Variants in GCNA observed in about 807,000 individuals in gnomAD.
GCNA encodes the protein germ cell nuclear acidic protein.
Under a neutral mutation model 38.8 loss-of-function variants are expected in GCNA, and 3 were observed. The observed-to-expected ratio is 0.08, with a 90% CI of 0.04 to 0.20. GCNA has a LOEUF of 0.20. GCNA is among the 10% of genes least tolerant of loss of function. The probability of loss-of-function intolerance (pLI) is 1.00; values close to 1 mark genes in which losing one functional copy is unlikely to be tolerated. For synonymous variants in GCNA, 195 were observed against 240.2 expected (o/e 0.81, Z 1.74); for missense variants, 446 against 578.6 (o/e 0.77, Z 2.35).
chrX:71,583,934 C>T (rs1602167119), intron 2 of GCNA, among the ~76,000 whole-genome samples: 1 of 109,342 alleles, frequency 9.1e-6, no homozygotes, highest in African/African-American at 3.3e-5. Context: ...TCTTGAACTC[C>T]TGGCCTCAAG....
In GCNA at chrX:71,603,889, A is replaced by G; in HGVS notation, c.612A>G (p.Ser204=). 8.4e-7 allele frequency: 1 copy of G among 1,195,127 alleles called. No homozygotes were observed. The highest frequency in any genetic ancestry group is 1.1e-6 in the Non-Finnish European group (1 of 889,212). The part of the protein sequence containing the change: ...DDSSDDNSDD[S]SDDNSDDSDV... ...CATCCGACGACAACAGTGATGATTC[A>G]TCCGACGACAACAGTGATGATTCGG... Residue 204 remains serine, a synonymous_variant, in exon 8 of 13, where the codon TCA becomes TCG. Transcript: ENST00000373696.
At position 71,582,766 on chromosome X, in the gene GCNA, T is replaced by G. The variant is rs772707219; in HGVS notation, c.59+1886T>G. ...TTCTTTTCCCCTTCTCCCATGGCCT[T>G]TCTCCCTGTAACCCATGCTAAATAT... is the stretch of plus-strand genomic sequence containing the variant. On this transcript the variant is annotated intron_variant, in intron 2 of 12. Coordinates refer to ENST00000373696, the MANE Select transcript of GCNA (RefSeq NM_052957.5). Among the ~76,000 whole-genome samples, 11 of 112,243 alleles carry G rather than the reference T, an allele frequency of 9.8e-5. No homozygotes were observed. In the Admixed American group the frequency reaches 1.0e-3, roughly 11 times the overall value.
intron 2 of GCNA, among the ~76,000 whole-genome samples, chrX:71,587,715 A>G (rs749445415): frequency 1.3e-4 from 14 of 111,248 alleles, no homozygotes; most frequent in South Asian, 7.5e-4. Flanking sequence ...TGTTCCTGAA[A>G]GTGTGGTCTG....
At chrX:71,579,424 G>C (rs184219922) in intron 1 of GCNA, among the ~76,000 whole-genome samples, 120 of 91,662 alleles carry the variant, frequency 1.3e-3, no homozygotes, top group Middle Eastern at 0.011. Flanking sequence ...GAAGTGGGGG[G>C]TTCTGGTGGC....
In GCNA at chrX:71,580,870, G is replaced by A. The variant is rs746349614; in HGVS notation, c.49G>A (p.Asp17Asn). The A allele has an allele frequency of 2.5e-6, 3 of 1,197,956 alleles. No homozygotes were observed. In the Admixed American group the frequency reaches 6.8e-5, roughly 27 times the overall value. ...ELPRLQEPEEDEDCYILNVQS... is the reference protein window; with the variant it reads ...ELPRLQEPEENEDCYILNVQS... ...GCCCCGCTTGCAAGAGCCGGAGGAG[G>A]ACGAGGATTGGTGAGATTTAGAAAG... The change falls in exon 2 of 13, where the codon GAC becomes AAC. Residue 17 changes from aspartate to asparagine, a missense_variant. Coordinates refer to ENST00000373696, the MANE Select transcript of GCNA (RefSeq NM_052957.5).
chrX:71,594,667 T>C (rs2040656174), intron 5 of GCNA, 79 bp from the exon 6 acceptor site: 1 of 593,548 alleles, frequency 1.7e-6, no homozygotes, highest in African/African-American at 2.6e-5. Context: ...TAGACTTTGG[T>C]TTTAGGGAGT....
In GCNA at chrX:71,605,729, G is replaced by A. The variant is rs1418368563; in HGVS notation, c.1466G>A (p.Arg489Lys). The A allele has an allele frequency of 2.5e-6, 3 of 1,202,608 alleles. No homozygotes were observed. Among genetic ancestry groups the A allele is most frequent in the Non-Finnish European group, 3.4e-6 (3 of 890,161 alleles). The change falls in exon 9 of 13, where the codon AGG (arginine) becomes AAG (lysine). Residue 489 changes from arginine (R) to lysine (K), a missense_variant and splice_region_variant. This residue lies in a region of GCNA where 160 missense variants were observed against 165.2 expected (regional missense o/e 0.97). Coordinates refer to ENST00000373696, the MANE Select transcript of GCNA (RefSeq NM_052957.5). ...GCAAAAGTTGAAAAACGCAAGACTA[G>A]GTATGTACTGCTCGCATACAGTTGA... Reference protein sequence around the residue: ...GAAKVEKRKTRTPKCKVPGCF... With the variant: ...GAAKVEKRKTKTPKCKVPGCF...
intron 7 of GCNA, among the ~76,000 whole-genome samples, chrX:71,599,960 T>A (rs773937868): frequency 8.9e-6 from 1 of 112,503 alleles, no homozygotes; most frequent in African/African-American, 3.2e-5. Context: ...AAATATATTA[T>A]CTCAAATCTG....
chrX:71,588,117 G>T (rs761059079), intron 2 of GCNA, among the ~76,000 whole-genome samples: 2 of 111,746 alleles, frequency 1.8e-5, no homozygotes, highest in South Asian at 7.4e-4. Flanking sequence ...TCTGATTCCT[G>T]TTGTTCTAGA....
At chrX:71,611,030 TTC>T (rs1337361379) in intron 11 of GCNA, among the ~76,000 whole-genome samples, 2 of 112,401 alleles carry the variant, frequency 1.8e-5, no homozygotes, top group Non-Finnish European at 3.8e-5. Flanking sequence ...AGGCCTGCCT[TTC>T]TCTCTGCATT....
rs2040790326 is a variant in GCNA, at chrX:71,609,070, G to A, written c.1564G>A (p.Val522Ile). ...KNLKRNKDEL[V>I]QRIYDLFNRS... is the part of the protein sequence containing the mutation. Reference sequence around the variant, plus strand: ...TTTAAAGCGAAATAAGGATGAATTGGTTCAGAGAATCTACGACCTGTTTAA... The same window carrying A: ...TTTAAAGCGAAATAAGGATGAATTGATTCAGAGAATCTACGACCTGTTTAA... Residue 522 changes from valine to isoleucine, a missense_variant, in exon 10 of 13, where the codon GTT becomes ATT. Coordinates refer to ENST00000373696, the MANE Select transcript of GCNA (RefSeq NM_052957.5). 1.7e-6 allele frequency: 2 copies of A among 1,211,195 alleles called. No individual in the cohort carries two copies. The highest frequency in any genetic ancestry group is 2.2e-6 in the Non-Finnish European group (2 of 895,254).
Position 71,580,874 on chromosome X carries a change from A to G in GCNA, c.53A>G (p.Glu18Gly), listed in dbSNP as rs1465667900. The change falls in exon 2 of 13, where the codon GAG becomes GGG. Residue 18 changes from glutamate (E) to glycine (G), a missense_variant. This residue lies in a region of GCNA where 21 missense variants were observed against 16.5 expected (regional missense o/e 1.27). Coordinates refer to ENST00000373696, the MANE Select transcript of GCNA (RefSeq NM_052957.5). ...LPRLQEPEEDEDCYILNVQSS... is the reference protein window; with the variant it reads ...LPRLQEPEEDGDCYILNVQSS... ...CGCTTGCAAGAGCCGGAGGAGGACG[A>G]GGATTGGTGAGATTTAGAAAGTTCT... is the stretch of plus-strand genomic sequence containing the variant. 2 of 1,197,033 alleles carry G rather than the reference A, an allele frequency of 1.7e-6. No individual in the cohort carries two copies. Among genetic ancestry groups the G allele is most frequent in the Non-Finnish European group, 2.3e-6 (2 of 887,379 alleles).
At position 71,604,221 on chromosome X, in the gene GCNA, C is replaced by T. The variant is rs1452801687; in HGVS notation, c.944C>T (p.Pro315Leu). ...GACAAGAGTGATGATTCGGATGTTCCCGAAGACAAGAGTGATGATTCGGAT... is the reference window on the plus strand; with the variant it reads ...GACAAGAGTGATGATTCGGATGTTCTCGAAGACAAGAGTGATGATTCGGAT... The part of the protein sequence containing the change: ...PDDKSDDSDV[P>L]EDKSDDSDVP... Residue 315 changes from proline (P) to leucine (L), a missense_variant, in exon 8 of 13, where the codon CCC becomes CTC. Coordinates refer to ENST00000373696, the MANE Select transcript of GCNA (RefSeq NM_052957.5). The T allele has an allele frequency of 8.3e-7, 1 of 1,211,430 alleles. No individual in the cohort carries two copies. Among genetic ancestry groups the T allele is most frequent in the African/African-American group, 1.7e-5 (1 of 57,590 alleles).
chrX:71,600,524 C>T (rs778979661), intron 7 of GCNA, among the ~76,000 whole-genome samples: 2 of 111,141 alleles, frequency 1.8e-5, no homozygotes, highest in South Asian at 3.8e-4. Flanking sequence ...TCTGCAGACC[C>T]GTGTTTGGGA....
At chrX:71,588,531 TA>T (rs1195110968) in intron 2 of GCNA, among the ~76,000 whole-genome samples, 1 of 112,223 alleles carries the variant, frequency 8.9e-6, no homozygotes, top group African/African-American at 3.2e-5. Flanking sequence ...TTTAAAGTTT[TA>T]AAGGAGAGAT....
chrX:71,602,364 T>G (rs2040722586), intron 7 of GCNA, among the ~76,000 whole-genome samples: 1 of 110,971 alleles, frequency 9.0e-6, no homozygotes, highest in Non-Finnish European at 1.9e-5. Context: ...TATTTGTATT[T>G]TTAGTAGAGA....
Position 71,580,774 on chromosome X carries a change from G to A in GCNA, c.-2-46G>A, listed in dbSNP as rs760714525. On this transcript the variant is annotated intron_variant, in intron 1 of 12. Coordinates refer to ENST00000373696, the MANE Select transcript of GCNA (RefSeq NM_052957.5). Reference sequence around the variant, plus strand: ...TAGGCGTGAGCCACTGCGCCCGGCCGAGTTCTGGCTTTCTTAAGAAAGTGT... The same window carrying A: ...TAGGCGTGAGCCACTGCGCCCGGCCAAGTTCTGGCTTTCTTAAGAAAGTGT... The A allele has an allele frequency of 6.1e-6, 7 of 1,152,484 alleles. No individual in the cohort carries two copies. The African/African-American group carries it at 9.0e-5, about 15-fold the overall frequency. The allele number at this position is 1,152,484 out of a possible 1,213,427, so 95.0% of individuals were successfully genotyped here. A position where few individuals can be genotyped will look rare whatever the true frequency, so the allele number is the denominator to read the frequency against.
intron 7 of GCNA, among the ~76,000 whole-genome samples, chrX:71,601,340 AAACAAC>A (rs753574647): frequency 9.2e-6 from 1 of 109,108 alleles, no homozygotes; most frequent in African/African-American, 3.3e-5. Context: ...ACTCCATCTC[AAACAAC>A]AACAACAACA....
At chrX:71,610,610 G>A (rs774218320) in intron 10 of GCNA, 71 bp from the exon 11 acceptor site, 59 of 1,144,285 alleles carry the variant, frequency 5.2e-5, no homozygotes, top group Non-Finnish European at 5.6e-5. Context: ...CTAAAACTCC[G>A]TCTCAAAAAC....
Sources: gnomAD v4.1 joint callset for allele counts (sites outside exome capture counted in the v4.1 genomes callset) on GRCh38, gnomAD v4.1.1 for gene constraint, gnomAD v4.1.1 regional missense constraint, MANE v1.5 for transcripts, NCBI Gene and HGNC (gene_info 2026-07-23, HGNC 2026-07-21) for gene names.